The following ARSB variants were observed in gnomAD, a reference collection of about 807,000 sequenced individuals.
The protein encoded by ARSB is N-acetylgalactosamine-4-sulfatase.
A neutral mutation model predicts 50.9 loss-of-function variants in ARSB; 41 were observed. That is an observed-to-expected ratio of 0.81 (90% CI 0.63 to 1.04). The LOEUF is 1.04. Ranked by LOEUF, ARSB falls within the 50% of genes least tolerant of loss-of-function variation. The pLI, the probability that ARSB is intolerant of heterozygous loss-of-function variation, is 0.00. For missense variants in ARSB, 672 were observed against 693.3 expected, an observed-to-expected ratio of 0.97 and a Z score of 0.35; for synonymous variants, 269 against 284.8, an observed-to-expected ratio of 0.94 and a Z score of 0.56.
At chr5:78,857,735 A>G (rs1261218719) in intron 5 of ARSB, among the ~76,000 whole-genome samples, 1 of 152,198 alleles carries the variant, frequency 6.6e-6, no homozygotes, top group African/African-American at 2.4e-5. Context: ...GTAGACAAAG[A>G]CCTATGTAAA....
intron 6 of ARSB, among the ~76,000 whole-genome samples, chr5:78,804,939 T>C (rs952653812): frequency 6.6e-6 from 1 of 152,342 alleles, no homozygotes. Context: ...CATAGCACTT[T>C]GCTCAGAAAG....
At chr5:78,985,495 C>T, upstream of ARSB, 1 of 287,966 alleles carries the variant, frequency 3.5e-6, no homozygotes, top group East Asian at 6.2e-5. Context: ...GGAAACTCAG[C>T]TGACGCTTGG....
intron 6 of ARSB, among the ~76,000 whole-genome samples, chr5:78,796,963 C>G (rs1269142276): frequency 7.0e-6 from 1 of 143,798 alleles, no homozygotes; most frequent in African/African-American, 2.6e-5. Flanking sequence ...CTGCAAGCTC[C>G]GCCTCCCGGG....
intron 6 of ARSB, chr5:78,816,170 T>C (rs1743983219): frequency 1.2e-5 from 20 of 1,613,954 alleles, no homozygotes; most frequent in East Asian, 2.2e-5. Context: ...CAGGGTACGG[T>C]TGTATCAGGA....
intron 5 of ARSB, among the ~76,000 whole-genome samples, chr5:78,868,925 G>A (rs1367218392): frequency 8.6e-5 from 13 of 151,634 alleles, no homozygotes; most frequent in African/African-American, 2.7e-4. Context: ...CCCATCTCAC[G>A]TGCAGAGACA....
chr5:78,964,079 T>A (rs1284595556), intron 3 of ARSB, among the ~76,000 whole-genome samples: 1 of 152,208 alleles, frequency 6.6e-6, no homozygotes, highest in Admixed American at 6.5e-5. Context: ...TATACCAAAA[T>A]TTTTAAACTA....
rs1751263430 is a variant in ARSB at position 78,946,989 on chromosome 5, A to T, written c.898+8306T>A. 3.9e-5 allele frequency among the ~76,000 whole-genome samples: 6 copies of T among 152,272 alleles called. No individual in the cohort carries two copies. The Middle Eastern group carries it at 0.01, about 259-fold the overall frequency. ...AAATAAATCCATACATCTACAGTGA[A>T]CCCATTTTCAACAAAAGTACCAAGA... On this transcript the variant is annotated intron_variant, in intron 4 of 7. Transcript: ENST00000264914.
At chr5:78,945,983 T>G (rs889383830) in intron 4 of ARSB, among the ~76,000 whole-genome samples, 1 of 152,226 alleles carries the variant, frequency 6.6e-6, no homozygotes, top group Non-Finnish European at 1.5e-5. Flanking sequence ...TAATAATACA[T>G]GTACCTGTCT....
rs186312222 is a variant in ARSB at position 78,927,967 on chromosome 5, C to G, written c.898+27328G>C. On this transcript the variant is annotated intron_variant, in intron 4 of 7. Transcript: ENST00000264914. The stretch of plus-strand genomic sequence containing the variant: ...CTCTTAATTTCATTATCTCAAGAGA[C>G]CAAGGCAGCCAGGCCTCTGTGCATT... Among the ~76,000 whole-genome samples the G allele has an allele frequency of 3.3e-5, 5 of 152,320 alleles. No homozygotes were observed. In the East Asian group the frequency reaches 9.6e-4, roughly 29 times the overall value.
chr5:78,848,684 C>G (rs1745583296), intron 5 of ARSB, among the ~76,000 whole-genome samples: 1 of 152,120 alleles, frequency 6.6e-6, no homozygotes, highest in African/African-American at 2.4e-5. Flanking sequence ...ACAGTCCCAC[C>G]AACAGTGCAA....
intron 5 of ARSB, among the ~76,000 whole-genome samples, chr5:78,882,136 C>G (rs1171219287): frequency 6.6e-6 from 1 of 152,240 alleles, no homozygotes; most frequent in East Asian, 1.9e-4. Context: ...TTATGACCTA[C>G]AGTTAAAACA....
At chr5:78,954,897 C>A (rs186328695) in intron 4 of ARSB, among the ~76,000 whole-genome samples, 34 of 152,332 alleles carry the variant, frequency 2.2e-4, no homozygotes, top group African/African-American at 7.7e-4. Context: ...ATGTCACAAT[C>A]TGTCTCTTTG....
intron 1 of ARSB, among the ~76,000 whole-genome samples, chr5:78,976,278 CTTTTTTTTT>C (rs541278624): frequency 3.9e-5 from 3 of 76,888 alleles, no homozygotes; most frequent in East Asian, 4.1e-4. Flanking sequence ...AAACAGGCTA[CTTTTTTTTT>C]TTTTTTTTTT....
intron 4 of ARSB, among the ~76,000 whole-genome samples, chr5:78,907,630 T>C (rs13154740): frequency 0.32 from 48,991 of 152,062 alleles, 8,201 homozygotes; most frequent in African/African-American, 0.4. Flanking sequence ...TCTATTATAT[T>C]TTTTAAAATT....
intron 4 of ARSB, among the ~76,000 whole-genome samples, chr5:78,912,532 G>A (rs965887662): frequency 6.6e-6 from 1 of 152,168 alleles, no homozygotes; most frequent in Non-Finnish European, 1.5e-5. Context: ...ATCTGTAGGA[G>A]GTAAAAAGGA....
intron 1 of ARSB, among the ~76,000 whole-genome samples, chr5:78,970,960 T>C (rs1752428754): frequency 6.6e-6 from 1 of 152,108 alleles, no homozygotes; most frequent in Non-Finnish European, 1.5e-5. Context: ...AGCAAGACCC[T>C]GTCTCAAAAA....
intron 1 of ARSB, among the ~76,000 whole-genome samples, chr5:78,980,542 T>C (rs1752854836): frequency 6.6e-6 from 1 of 152,158 alleles, no homozygotes; most frequent in Non-Finnish European, 1.5e-5. Context: ...GTGAGGATAA[T>C]CTTTAGTCAA....
intron 3 of ARSB, among the ~76,000 whole-genome samples, chr5:78,959,949 C>G (rs956032288): frequency 1.3e-5 from 2 of 152,196 alleles, no homozygotes; most frequent in African/African-American, 2.4e-5. Flanking sequence ...TTTTCCCACT[C>G]CTGCCAACCA....
chr5:78,960,378 AAG>A (rs1332445165), intron 3 of ARSB, among the ~76,000 whole-genome samples: 1 of 152,194 alleles, frequency 6.6e-6, no homozygotes, highest in Non-Finnish European at 1.5e-5. Flanking sequence ...ATGAAAAAAA[AAG>A]CATATGATAG....
Sources: gnomAD v4.1 joint callset for allele counts (sites outside exome capture counted in the v4.1 genomes callset) on GRCh38, gnomAD v4.1.1 for gene constraint, MANE v1.5 for transcripts, NCBI Gene and HGNC (gene_info 2026-07-23, HGNC 2026-07-21) for gene names.